RGPD1: variants seen among roughly 807,000 people sequenced by gnomAD.
RGPD1 encodes the protein RANBP2 like and GRIP domain containing 1, also known as RANBP2-like and GRIP domain-containing protein 1.
A neutral mutation model predicts 40.6 loss-of-function variants in RGPD1; 7 were observed. The observed-to-expected ratio is 0.17, with a 90% CI of 0.10 to 0.32. RGPD1 has a LOEUF of 0.32. Among genes scored for constraint, RGPD1 ranks in the 10% least tolerant of loss-of-function variants. The pLI is 1.00. For synonymous variants in RGPD1, 24 were observed against 167.0 expected (o/e 0.14, Z 6.60); for missense variants, 50 against 472.5 (o/e 0.11, Z 8.29).
intron 1 of RGPD1, among the ~76,000 whole-genome samples, chr2:86,942,902 T>C (rs1281416734): frequency 6.6e-6 from 1 of 151,838 alleles, no homozygotes; most frequent in African/African-American, 2.4e-5. Flanking sequence ...TCCCGGTTTG[T>C]TCCCGACGGT....
At chr2:86,944,402 T>G (rs551046322) in intron 1 of RGPD1, among the ~76,000 whole-genome samples, 1 of 152,146 alleles carries the variant, frequency 6.6e-6, no homozygotes, top group African/African-American at 2.4e-5. Flanking sequence ...GACTTTAATT[T>G]TTGTGTTATT....
rs1225058860 is a variant in RGPD1, at chr2:87,000,779, C to T, written c.5236+3021C>T. ...CAGCCTGGCCAACATGGTGAAACCC[C>T]GTCTCTACTCAGAATACAAAAATTA... On this transcript the variant is annotated intron_variant, in intron 22 of 22. Coordinates refer to ENST00000641458, the MANE Select transcript of RGPD1 (RefSeq NM_001382344.1). Among the ~76,000 whole-genome samples the T allele has an allele frequency of 3.5e-4, 3 of 8,574 alleles. No individual in the cohort carries two copies. In the Admixed American group the frequency reaches 4.7e-3, roughly 13 times the overall value. The allele number at this position is 8,574 out of a possible 152,430, so 5.6% of individuals were successfully genotyped here.
chr2:86,918,573 C>T (rs1677902667), intron 1 of RGPD1, among the ~76,000 whole-genome samples: 1 of 146,036 alleles, frequency 6.8e-6, no homozygotes, highest in African/African-American at 2.6e-5. Flanking sequence ...CATTTTCCTG[C>T]CTCAGCCTCC....
intron 1 of RGPD1, among the ~76,000 whole-genome samples, chr2:86,923,354 C>T (rs926139809): frequency 3.3e-5 from 5 of 151,232 alleles, no homozygotes; most frequent in African/African-American, 4.9e-5. Context: ...TGGTGTTATT[C>T]TTAAGTGGTC....
At chr2:86,943,850 A>G (rs1680114426) in intron 1 of RGPD1, among the ~76,000 whole-genome samples, 1 of 152,030 alleles carries the variant, frequency 6.6e-6, no homozygotes, top group Admixed American at 6.6e-5. Flanking sequence ...GTCTCTACTA[A>G]AAATAGAAAA....
intron 1 of RGPD1, among the ~76,000 whole-genome samples, chr2:86,925,236 T>C (rs1678395505): frequency 6.6e-6 from 1 of 150,628 alleles, no homozygotes; most frequent in Non-Finnish European, 1.5e-5. Context: ...GAATTTTTTA[T>C]TTTAGTTATC....
intron 1 of RGPD1, among the ~76,000 whole-genome samples, chr2:86,942,909 C>CG (rs769368967): frequency 1.2e-3 from 180 of 152,126 alleles, no homozygotes; most frequent in Non-Finnish European, 1.9e-3. Context: ...TTGTTCCCGA[C>CG]GGTGCTCGCT....
chr2:86,928,325 G>T (rs551291864), intron 1 of RGPD1, among the ~76,000 whole-genome samples: 1 of 152,266 alleles, frequency 6.6e-6, no homozygotes, highest in South Asian at 2.1e-4. Context: ...AAAACACAAG[G>T]GATGTGGCCA....
At chr2:87,010,909 A>G (rs1201024488) in intron 22 of RGPD1, among the ~76,000 whole-genome samples, 2 of 97,350 alleles carry the variant, frequency 2.1e-5, no homozygotes, top group Admixed American at 1.8e-4. Context: ...TCTGTCTCAG[A>G]AAAAAAAAAA....
At chr2:86,949,163 C>T in intron 1 of RGPD1, among the ~76,000 whole-genome samples, 1 of 150,172 alleles carries the variant, frequency 6.7e-6, no homozygotes, top group Admixed American at 6.6e-5. Flanking sequence ...CCTGCTCCGT[C>T]CTACCCAGGA....
At position 86,930,681 on chromosome 2, in the gene RGPD1, C is replaced by T. The variant is rs543586584; in HGVS notation, c.72+16760C>T. 4.4e-4 allele frequency: 712 copies of T among 1,609,812 alleles called. 8 individuals are homozygous for T. In the South Asian group the frequency reaches 7.1e-3, roughly 16 times the overall value. On this transcript the variant is annotated intron_variant, in intron 1 of 22. Transcript: ENST00000398193. The stretch of plus-strand genomic sequence containing the variant: ...GTTGTTCACTCCTGGGCACAGCTCT[C>T]GAAGCTGCTGTTGCGGCGCCCGAAG...
intron 1 of RGPD1, among the ~76,000 whole-genome samples, chr2:86,945,155 A>G (rs1279852711): frequency 6.6e-6 from 1 of 152,146 alleles, no homozygotes; most frequent in African/African-American, 2.4e-5. Context: ...TTTCAACTAC[A>G]TAACGTCTCC....
chr2:86,943,947 G>C (rs1680124864), intron 1 of RGPD1, among the ~76,000 whole-genome samples: 1 of 151,946 alleles, frequency 6.6e-6, no homozygotes, highest in South Asian at 2.1e-4. Flanking sequence ...CCGGGAGGTG[G>C]AGGTTCCAGT....
At chr2:86,951,898 T>TTTTA (rs1553448999) in intron 2 of RGPD1, among the ~76,000 whole-genome samples, 2 of 116,444 alleles carry the variant, frequency 1.7e-5, no homozygotes, top group African/African-American at 4.6e-5. Context: ...TTTTTTTTTT[T>TTTTA]AGGCAGTATC....
Position 86,926,537 on chromosome 2 carries a change from T to G in RGPD1, c.72+12616T>G, listed in dbSNP as rs560987785. On this transcript the variant is annotated intron_variant, in intron 1 of 22. Transcript: ENST00000398193. ...AATACATAAACAACCTCCCCACCCT[T>G]CCCTCACAGCTTTCTGTCCTGTACT... is the stretch of plus-strand genomic sequence containing the variant. Among the ~76,000 whole-genome samples the G allele has an allele frequency of 2.8e-4, 43 of 152,248 alleles. No homozygotes were observed. The East Asian group carries it at 7.3e-3, about 26-fold the overall frequency.
chr2:87,009,303 TC>T (rs1230636635), intron 22 of RGPD1, among the ~76,000 whole-genome samples: 10 of 2,070 alleles, frequency 4.8e-3, no homozygotes, highest in South Asian at 0.021. Context: ...AGACTCTGTC[TC>T]AAAAAAAAAA....
chr2:86,937,868 GAAGT>G (rs1353163388), upstream of RGPD1, among the ~76,000 whole-genome samples: 102 of 86,912 alleles, frequency 1.2e-3, 35 homozygotes, highest in African/African-American at 6.3e-4. Context: ...ACTTGTAACA[GAAGT>G]AAGTAAGAAA....
At chr2:86,945,322 GGAACATGT>G in intron 1 of RGPD1, among the ~76,000 whole-genome samples, 1 of 152,018 alleles carries the variant, frequency 6.6e-6, no homozygotes, top group South Asian at 2.1e-4. Context: ...GAGTAACTTT[GGAACATGT>G]GAAGCTATTC....
intron 22 of RGPD1, among the ~76,000 whole-genome samples, chr2:87,008,925 G>A: frequency 7.7e-6 from 1 of 129,276 alleles, no homozygotes; most frequent in Non-Finnish European, 1.6e-5. Context: ...GAATGAAAAA[G>A]AAAAAACAGA....
Sources: gnomAD v4.1 joint callset for allele counts (sites outside exome capture counted in the v4.1 genomes callset) on GRCh38, gnomAD v4.1.1 for gene constraint, MANE v1.5 for transcripts, NCBI Gene and HGNC (gene_info 2026-07-23, HGNC 2026-07-21) for gene names.